The following LMO7 variants were observed in gnomAD, a reference collection of about 807,000 sequenced individuals.
LMO7 encodes the protein LIM domain 7.
Under a neutral mutation model 206.5 loss-of-function variants are expected in LMO7, and 120 were observed. The observed-to-expected ratio is 0.58, with a 90% CI of 0.50 to 0.68. LMO7 has a LOEUF of 0.68. Ranked by LOEUF, LMO7 falls within the 30% of genes least tolerant of loss-of-function variation. The pLI is 0.00. For synonymous variants in LMO7, 706 were observed against 681.5 expected, an observed-to-expected ratio of 1.04 and a Z score of -0.56; for missense variants, 1,959 against 1,957.9, an observed-to-expected ratio of 1.00 and a Z score of -0.01.
intron 4 of LMO7, among the ~76,000 whole-genome samples, chr13:75,773,045 G>A (rs1300323866): frequency 6.6e-6 from 1 of 152,110 alleles, no homozygotes; most frequent in East Asian, 1.9e-4. Context: ...GGGGATGTAA[G>A]TCTTGAGTGT....
At chr13:75,729,754 G>A (rs920136485) in intron 3 of LMO7, among the ~76,000 whole-genome samples, 3 of 151,750 alleles carry the variant, frequency 2.0e-5, no homozygotes, top group Non-Finnish European at 4.4e-5. Flanking sequence ...TTATGATATT[G>A]TCTGTGGGTT....
chr13:75,675,187 C>T (rs1008895382), intron 1 of LMO7, among the ~76,000 whole-genome samples: 2 of 151,448 alleles, frequency 1.3e-5, no homozygotes, highest in Admixed American at 1.3e-4. Context: ...AGCAGTTCTT[C>T]TACCTCAGCC....
At chr13:75,695,398 G>C (rs1825996047) in intron 1 of LMO7, among the ~76,000 whole-genome samples, 1 of 152,216 alleles carries the variant, frequency 6.6e-6, no homozygotes, top group African/African-American at 2.4e-5. Context: ...GTCTCGCTCT[G>C]TCGCCCAGGC....
rs1566372037 is a variant in LMO7 at position 75,737,763 on chromosome 13, A to AAAAT, written c.210+10669_210+10672dup. Among the ~76,000 whole-genome samples, 6 of 26,294 alleles carry AAAAT rather than the reference A, an allele frequency of 2.3e-4. 1 individual carries two copies. The highest frequency in any genetic ancestry group is 8.0e-4 in the African/African-American group (5 of 6,286). The allele number at this position is 26,294 out of a possible 152,430, so 17.2% of individuals were successfully genotyped here. On this transcript the variant is annotated intron_variant, in intron 3 of 30. Coordinates refer to ENST00000377534, the MANE Select transcript of LMO7 (RefSeq NM_001306080.2). ...GCGAGACTCCGTCTCAAAAAAAAAA[A>AAAAT]AAATAAAATAAAATAAAATAAAAAA...
chr13:75,653,203 A>G (rs934264799), intron 1 of LMO7, among the ~76,000 whole-genome samples: 5 of 152,244 alleles, frequency 3.3e-5, no homozygotes, highest in Non-Finnish European at 7.3e-5. Context: ...ACATACTTGC[A>G]TACATTGAAT....
At chr13:75,739,377 G>T (rs1470882025) in intron 3 of LMO7, among the ~76,000 whole-genome samples, 1 of 152,198 alleles carries the variant, frequency 6.6e-6, no homozygotes, top group Non-Finnish European at 1.5e-5. Flanking sequence ...TTCAGGAGTA[G>T]AATGTGTAAG....
chr13:75,813,580 A>C (rs1268991140), intron 11 of LMO7, among the ~76,000 whole-genome samples: 4 of 152,072 alleles, frequency 2.6e-5, no homozygotes, highest in African/African-American at 9.7e-5. Flanking sequence ...TACCCTAGGG[A>C]GTGAACTGTG....
chr13:75,784,130 T>G (rs1179616042), intron 4 of LMO7, among the ~76,000 whole-genome samples: 1 of 152,106 alleles, frequency 6.6e-6, no homozygotes, highest in African/African-American at 2.4e-5. Flanking sequence ...TGGGTAGAGG[T>G]CAGGCATGCC....
chr13:75,829,075 T>C (rs1421839725), intron 15 of LMO7, among the ~76,000 whole-genome samples: 2 of 152,118 alleles, frequency 1.3e-5, no homozygotes, highest in African/African-American at 4.8e-5. Flanking sequence ...AGTTTTCGAA[T>C]TGTTGGACTT....
intron 4 of LMO7, among the ~76,000 whole-genome samples, chr13:75,795,155 A>G (rs1018053382): frequency 2.0e-5 from 3 of 152,220 alleles, no homozygotes; most frequent in Non-Finnish European, 2.9e-5. Context: ...ACTGCTTTTT[A>G]TAGAAAACTG....
intron 4 of LMO7, among the ~76,000 whole-genome samples, chr13:75,795,121 A>G (rs2140769241): frequency 6.6e-6 from 1 of 152,324 alleles, no homozygotes; most frequent in East Asian, 1.9e-4. Context: ...AATTAGACTG[A>G]AATGAATAAA....
chr13:75,655,528 T>A (rs1269935753), intron 1 of LMO7, among the ~76,000 whole-genome samples: 1 of 151,862 alleles, frequency 6.6e-6, no homozygotes, highest in Non-Finnish European at 1.5e-5. Context: ...TTCCATGATT[T>A]CTATCTCTTT....
In LMO7 at chr13:75,727,105, A is replaced by T; in HGVS notation, c.210+7A>T. ...TACACCAATAGCAGGATTGGTAAGT[A>T]GTAAATTATCTTCACAACTAAATTT... On this transcript the variant is annotated splice_region_variant and intron_variant, in intron 3 of 30. Transcript: ENST00000377534. 6.5e-7 allele frequency: 1 copy of T among 1,536,636 alleles called. No homozygotes were observed. Among genetic ancestry groups the T allele is most frequent in the African/African-American group, 1.4e-5 (1 of 73,350 alleles).
chr13:75,792,425 G>T (rs554996848), intron 4 of LMO7, among the ~76,000 whole-genome samples: 1 of 152,150 alleles, frequency 6.6e-6, no homozygotes, highest in Non-Finnish European at 1.5e-5. Flanking sequence ...ACTCCAAAGC[G>T]CAGGCACTTA....
chr13:75,642,374 G>A (rs963152472), intron 1 of LMO7, among the ~76,000 whole-genome samples: 3 of 149,790 alleles, frequency 2.0e-5, no homozygotes, highest in African/African-American at 7.4e-5. Flanking sequence ...GGAGGCTAAG[G>A]AGGGAGGATG....
intron 4 of LMO7, among the ~76,000 whole-genome samples, chr13:75,780,158 C>T (rs747317965): frequency 5.9e-5 from 9 of 152,182 alleles, no homozygotes; most frequent in Non-Finnish European, 1.2e-4. Flanking sequence ...TCCCACTGTG[C>T]ATGCATTGTC....
intron 2 of LMO7, among the ~76,000 whole-genome samples, chr13:75,714,443 G>A (rs1280670637): frequency 6.6e-6 from 1 of 152,086 alleles, no homozygotes; most frequent in Non-Finnish European, 1.5e-5. Flanking sequence ...AGCTCTGTTG[G>A]CAAGTGTTCA....
intron 5 of LMO7, among the ~76,000 whole-genome samples, chr13:75,796,338 T>G (rs756171719): frequency 6.6e-6 from 1 of 152,230 alleles, no homozygotes; most frequent in Non-Finnish European, 1.5e-5. Flanking sequence ...TTTAAAAGTT[T>G]CATTTGTGTT....
chr13:75,632,481 T>C (rs1248799051), upstream of LMO7, among the ~76,000 whole-genome samples: 2 of 152,144 alleles, frequency 1.3e-5, no homozygotes, highest in African/African-American at 4.8e-5. Flanking sequence ...GTGCCTACTC[T>C]ATGCTAAGCA....
Sources: gnomAD v4.1 joint callset for allele counts (sites outside exome capture counted in the v4.1 genomes callset) on GRCh38, gnomAD v4.1.1 for gene constraint, MANE v1.5 for transcripts, NCBI Gene and HGNC (gene_info 2026-07-23, HGNC 2026-07-21) for gene names.